The following SPAG17 variants were observed in gnomAD, a reference collection of about 807,000 sequenced individuals.
SPAG17 encodes sperm-associated antigen 17.
SPAG17 carries 169 observed loss-of-function variants against 273.6 expected under a neutral mutation model. That is an observed-to-expected ratio of 0.62 (90% CI 0.55 to 0.70). The LOEUF is 0.70. Ranked by LOEUF, SPAG17 falls within the 30% of genes least tolerant of loss-of-function variation. The probability of loss-of-function intolerance (pLI) is 0.00; values close to 1 mark genes in which losing one functional copy is unlikely to be tolerated. For missense variants in SPAG17, 2,557 were observed against 2,627.8 expected, an observed-to-expected ratio of 0.97 and a Z score of 0.59; for synonymous variants, 825 against 873.2, an observed-to-expected ratio of 0.94 and a Z score of 0.97.
chr1:118,018,283 G>A (rs1248076690), intron 28 of SPAG17, among the ~76,000 whole-genome samples: 1 of 152,110 alleles, frequency 6.6e-6, no homozygotes, highest in Non-Finnish European at 1.5e-5. Flanking sequence ...AATCATTCGT[G>A]TCCTTTCCCA....
chr1:118,165,573 A>G lies in SPAG17; in HGVS notation c.88-14204T>C, dbSNP rs117692340. Among the ~76,000 whole-genome samples the G allele has an allele frequency of 4.1e-4, 62 of 151,336 alleles. No homozygotes were observed. In the East Asian group the frequency reaches 0.011, roughly 28 times the overall value. ...AGATATGCATGGCAAGTTAAACAAT[A>G]GGCTTTTTAGAGGGTGCTTTGACTT... On this transcript the variant is annotated intron_variant, in intron 1 of 48. Transcript: ENST00000336338.
intron 48 of SPAG17, among the ~76,000 whole-genome samples, chr1:117,955,821 T>C (rs1425762221): frequency 6.6e-6 from 1 of 152,176 alleles, no homozygotes; most frequent in Non-Finnish European, 1.5e-5. Context: ...TTACTCGATA[T>C]TGCATTTGTT....
rs140829839 is a variant in SPAG17, at chr1:117,996,368, A to C, written c.5053+2T>G. 46 of 1,610,956 alleles carry C rather than the reference A, an allele frequency of 2.9e-5. No homozygotes were observed. The highest frequency in any genetic ancestry group is 3.9e-5 in the Non-Finnish European group (46 of 1,178,324). ...GCATTCCAGACAGTATGGGTCCTCT[A>C]CCTGGCTGTTCCTGCACTGGCTCTT... On this transcript the variant is annotated splice_donor_variant, in intron 34 of 48. Transcript: ENST00000336338. LOFTEE classifies it high-confidence loss of function.
intron 48 of SPAG17, chr1:117,957,030 C>A: frequency 1.3e-6 from 2 of 1,520,008 alleles, no homozygotes; most frequent in South Asian, 1.3e-5. Flanking sequence ...ACAACGTTAA[C>A]AAATGTGGCA....
chr1:118,166,959 A>C (rs1184963137), intron 1 of SPAG17, among the ~76,000 whole-genome samples: 1 of 152,044 alleles, frequency 6.6e-6, no homozygotes, highest in Non-Finnish European at 1.5e-5. Flanking sequence ...TGTAGATATT[A>C]CTTTTTGAGG....
At chr1:118,009,898 T>C (rs939140238) in intron 30 of SPAG17, among the ~76,000 whole-genome samples, 6 of 151,816 alleles carry the variant, frequency 4.0e-5, no homozygotes, top group Non-Finnish European at 7.4e-5. Flanking sequence ...ATATAGGCAA[T>C]AGAATACTAT....
chr1:117,988,930 C>T (rs1656749468), intron 38 of SPAG17, among the ~76,000 whole-genome samples: 1 of 152,126 alleles, frequency 6.6e-6, no homozygotes, highest in Admixed American at 6.5e-5. Context: ...TTTTAATTAA[C>T]ATGTCAGGTA....
intron 4 of SPAG17, among the ~76,000 whole-genome samples, chr1:118,111,826 T>G (rs1046308586): frequency 1.3e-5 from 2 of 152,202 alleles, no homozygotes; most frequent in African/African-American, 4.8e-5. Context: ...CCGCCTATCT[T>G]CCTTCTCTTC....
intron 20 of SPAG17, among the ~76,000 whole-genome samples, chr1:118,048,850 T>C (rs1212509009): frequency 6.6e-6 from 1 of 151,990 alleles, no homozygotes. Flanking sequence ...GAGCCGGGAT[T>C]GCACCACTGC....
intron 3 of SPAG17, among the ~76,000 whole-genome samples, chr1:118,128,347 G>A (rs755940754): frequency 6.6e-5 from 10 of 152,114 alleles, no homozygotes; most frequent in Non-Finnish European, 1.3e-4. Context: ...ACTGCAAAGA[G>A]GGACAACTTG....
At chr1:118,148,739 C>T (rs140929910) in intron 3 of SPAG17, among the ~76,000 whole-genome samples, 170 of 152,306 alleles carry the variant, frequency 1.1e-3, no homozygotes, top group African/African-American at 3.2e-3. Context: ...TTCATGAGCA[C>T]ACTGTCCACA....
At chr1:118,172,504 T>C (rs1327704538) in intron 1 of SPAG17, among the ~76,000 whole-genome samples, 1 of 152,158 alleles carries the variant, frequency 6.6e-6, no homozygotes, top group Non-Finnish European at 1.5e-5. Flanking sequence ...TTTTGCTACA[T>C]GTAAAAATGT....
At chr1:117,971,030 T>G (rs1263753125) in intron 45 of SPAG17, among the ~76,000 whole-genome samples, 5 of 152,068 alleles carry the variant, frequency 3.3e-5, no homozygotes. Context: ...GACAGGGATC[T>G]TTCAAACTGG....
At chr1:118,008,490 T>G (rs1441946765) in intron 30 of SPAG17, among the ~76,000 whole-genome samples, 6 of 152,182 alleles carry the variant, frequency 3.9e-5, no homozygotes, top group Admixed American at 3.9e-4. Flanking sequence ...CTTGAAAAAT[T>G]GAAAAGCATA....
chr1:118,054,000 A>G lies in SPAG17; in HGVS notation c.2814+2T>C, dbSNP rs1221865524. 7 of 1,599,862 alleles carry G rather than the reference A, an allele frequency of 4.4e-6. No individual in the cohort carries two copies. Among genetic ancestry groups the G allele is most frequent in the Non-Finnish European group, 6.0e-6 (7 of 1,169,790 alleles). On this transcript the variant is annotated splice_donor_variant, in intron 20 of 48. Coordinates refer to ENST00000336338, the MANE Select transcript of SPAG17 (RefSeq NM_206996.4). LOFTEE classifies it high-confidence loss of function. Reference sequence around the variant, plus strand: ...TTTTAAACTTTATGTAAGCTGGATTACCTTGAGAGAGCCTTCTAAAATGAA... The same window carrying G: ...TTTTAAACTTTATGTAAGCTGGATTGCCTTGAGAGAGCCTTCTAAAATGAA...
chr1:118,115,030 C>T (rs1223315523), intron 4 of SPAG17, among the ~76,000 whole-genome samples: 2 of 152,298 alleles, frequency 1.3e-5, no homozygotes, highest in East Asian at 1.9e-4. Flanking sequence ...CCCTTCTTGG[C>T]TACAACTTTA....
chr1:117,955,361 G>A, intron 48 of SPAG17: 1 of 1,612,040 alleles, frequency 6.2e-7, no homozygotes, highest in Non-Finnish European at 8.5e-7. Context: ...AAGTCGAGGT[G>A]AGTGAGTCCT....
intron 17 of SPAG17, among the ~76,000 whole-genome samples, chr1:118,072,031 T>C (rs1378360617): frequency 6.6e-6 from 1 of 152,030 alleles, no homozygotes. Context: ...ATCAAGAGCA[T>C]TGGAACAAAG....
rs1344643105 is a variant in SPAG17 at position 117,994,449 on chromosome 1, G to C, written c.5135C>G (p.Pro1712Arg). Residue 1712 changes from proline to arginine, a missense_variant, in exon 35 of 49, where the codon CCT becomes CGT. Pro to Arg is a moderately radical substitution (Grantham distance 103). Transcript: ENST00000336338. ...TTCCCATGACCTTGACCGGAGATTAGGAGGGACAATTGTATCTTCCTTTTT... is the reference window on the plus strand; with the variant it reads ...TTCCCATGACCTTGACCGGAGATTACGAGGGACAATTGTATCTTCCTTTTT... ...QVKKEDTIVPPNLRSRSWETF... is the reference protein window; with the variant it reads ...QVKKEDTIVPRNLRSRSWETF... The C allele has an allele frequency of 1.9e-6, 3 of 1,612,836 alleles. No individual in the cohort carries two copies. Among genetic ancestry groups the C allele is most frequent in the African/African-American group, 2.7e-5 (2 of 74,858 alleles).
Sources: gnomAD v4.1 joint callset for allele counts (sites outside exome capture counted in the v4.1 genomes callset) on GRCh38, gnomAD v4.1.1 for gene constraint, MANE v1.5 for transcripts, NCBI Gene and HGNC (gene_info 2026-07-23, HGNC 2026-07-21) for gene names.